The following SYNRG variants were observed in gnomAD, a reference collection of about 807,000 sequenced individuals.
SYNRG encodes the protein AP1 gamma subunit binding protein 1.
In SYNRG, 37 loss-of-function variants were observed where a neutral mutation model predicts 130.9. That is an observed-to-expected ratio of 0.28 (90% CI 0.22 to 0.37). The LOEUF is 0.37. SYNRG is among the 10% of genes least tolerant of loss of function. SYNRG has a pLI of 1.00. For missense variants in SYNRG, 1,338 were observed against 1,588.9 expected (o/e 0.84, Z 2.68); for synonymous variants, 539 against 568.1 (o/e 0.95, Z 0.73).
At chr17:37,554,596 GTGGTCT>G (rs1175786144) in intron 13 of SYNRG, among the ~76,000 whole-genome samples, 2 of 152,192 alleles carry the variant, frequency 1.3e-5, no homozygotes, top group Non-Finnish European at 2.9e-5. Context: ...TAGATACTAT[GTGGTCT>G]TGCTCAAGTA....
At chr17:37,583,188 C>T (rs982816164) in intron 6 of SYNRG, among the ~76,000 whole-genome samples, 1 of 152,052 alleles carries the variant, frequency 6.6e-6, no homozygotes, top group African/African-American at 2.4e-5. Context: ...GATGGGGTTT[C>T]ACCATGTTGG....
rs376272532 is a variant in SYNRG at position 37,577,684 on chromosome 17, A to G, written c.590-71T>C. 8.9e-6 allele frequency: 7 copies of G among 784,338 alleles called. No homozygotes were observed. The East Asian group carries it at 1.8e-4, about 20-fold the overall frequency. 48.6% of individuals were successfully genotyped at this position (784,338 alleles called of 1,614,324 possible). On this transcript the variant is annotated intron_variant, in intron 6 of 21. Transcript: ENST00000612223. Reference sequence around the variant, plus strand: ...CTAATCTTTTTAACCATCCATCTCCACCCCCATATTCTTTTTTTTTTTTTT... The same window carrying G: ...CTAATCTTTTTAACCATCCATCTCCGCCCCCATATTCTTTTTTTTTTTTTT...
chr17:37,566,253 A>C (rs1263290453), intron 11 of SYNRG, among the ~76,000 whole-genome samples: 1 of 151,664 alleles, frequency 6.6e-6, no homozygotes, highest in Non-Finnish European at 1.5e-5. Context: ...TGTAGAAAGA[A>C]GTAGACATGG....
chr17:37,518,569 T>G lies in SYNRG; in HGVS notation c.*371A>C, dbSNP rs528600443. On this transcript the variant is annotated 3_prime_UTR_variant, in exon 22 of 22. Coordinates refer to ENST00000612223, the MANE Select transcript of SYNRG (RefSeq NM_007247.6). The stretch of plus-strand genomic sequence containing the variant: ...AAGTGTCCTAGATAAAAACAAGCAC[T>G]GGCTCCAAGCAGTCGCCCATTCTAG... The G allele has an allele frequency of 1.9e-4, 39 of 202,184 alleles. 1 individual carries two copies. The highest frequency in any genetic ancestry group is 8.5e-4 in the African/African-American group (37 of 43,502). 12.5% of individuals were successfully genotyped at this position (202,184 alleles called of 1,614,324 possible).
chr17:37,541,076 C>G, intron 15 of SYNRG: 1 of 985,750 alleles, frequency 1.0e-6, no homozygotes, highest in Non-Finnish European at 1.2e-6. Context: ...CAACATGACT[C>G]TTCTCTGATC....
intron 3 of SYNRG, among the ~76,000 whole-genome samples, chr17:37,595,191 C>A (rs1455876621): frequency 6.6e-6 from 1 of 152,114 alleles, no homozygotes; most frequent in Non-Finnish European, 1.5e-5. Flanking sequence ...GTTTTCCTGA[C>A]CCTTTAAACA....
At chr17:37,538,959 T>G in intron 17 of SYNRG, 5 of 822,074 alleles carry the variant, frequency 6.1e-6, no homozygotes, top group Non-Finnish European at 7.3e-6. Context: ...ACTTTGTTAT[T>G]TCTTAAACAC....
intron 19 of SYNRG, among the ~76,000 whole-genome samples, chr17:37,530,027 T>C (rs1397002967): frequency 1.3e-5 from 2 of 152,232 alleles, no homozygotes. Context: ...AAGAGCAATG[T>C]GCAGAAAAGA....
At position 37,600,396 on chromosome 17, in the gene SYNRG, A is replaced by T. The variant is rs780095212; in HGVS notation, c.85T>A (p.Phe29Ile). ...GGTCTTATCCCACCTGCAACAGGAAACATGAAGCTGAAAACAGAATAAAAA... is the reference window on the plus strand; with the variant it reads ...GGTCTTATCCCACCTGCAACAGGAATCATGAAGCTGAAAACAGAATAAAAA... ...AGSAGGGGFM[F>I]PVAGGIRPPQ... Residue 29 changes from phenylalanine (F) to isoleucine (I), a missense_variant, in exon 2 of 22, where the codon TTT (phenylalanine) becomes ATT (isoleucine). By Grantham distance (21) the Phe-to-Ile change is conservative. Around this residue, in one of 3 missense-constraint regions of SYNRG, gnomAD observed 184 missense variants for 217.2 expected, o/e 0.85. Transcript: ENST00000612223. 6.2e-7 allele frequency: 1 copy of T among 1,613,744 alleles called. No homozygotes were observed. The highest frequency in any genetic ancestry group is 8.5e-7 in the Non-Finnish European group (1 of 1,179,912).
chr17:37,587,647 C>T (rs1489648446), intron 3 of SYNRG, among the ~76,000 whole-genome samples: 1 of 152,232 alleles, frequency 6.6e-6, no homozygotes, highest in Non-Finnish European at 1.5e-5. Flanking sequence ...CCTCACTCTT[C>T]AGTTGAACAC....
At chr17:37,570,907 T>A (rs1037572487) in intron 9 of SYNRG, 22 bp from the exon 10 acceptor site, 3 of 1,605,194 alleles carry the variant, frequency 1.9e-6, no homozygotes, top group Non-Finnish European at 2.6e-6. Context: ...AGAAAGAAAA[T>A]GGATTAGAGG....
chr17:37,571,667 T>C (rs1406394028), intron 9 of SYNRG, 124 bp downstream of exon 9: 3 of 846,874 alleles, frequency 3.5e-6, no homozygotes, highest in Non-Finnish European at 5.3e-6. Context: ...TTTGAAGTAC[T>C]ATATCCTGAA....
chr17:37,582,542 G>C (rs576736475), intron 6 of SYNRG, among the ~76,000 whole-genome samples: 10 of 152,238 alleles, frequency 6.6e-5, no homozygotes, highest in Admixed American at 5.2e-4. Context: ...TAGCAGCTAG[G>C]TATATGATTA....
intron 15 of SYNRG, 107 bp downstream of exon 15, chr17:37,541,865 C>A (rs1449397441): frequency 9.3e-7 from 1 of 1,071,786 alleles, no homozygotes; most frequent in Middle Eastern, 2.7e-4. Flanking sequence ...AAGATTAGAA[C>A]AATCTATTTC....
chr17:37,586,836 G>A (rs1040123359), intron 3 of SYNRG, among the ~76,000 whole-genome samples: 3 of 152,102 alleles, frequency 2.0e-5, no homozygotes, highest in African/African-American at 7.2e-5. Context: ...GGTGTGTTAT[G>A]GAACTATATG....
intron 13 of SYNRG, among the ~76,000 whole-genome samples, chr17:37,559,273 C>T (rs1397300044): frequency 6.6e-6 from 1 of 152,032 alleles, no homozygotes; most frequent in African/African-American, 2.4e-5. Context: ...ATGCCTTAAT[C>T]AAGTCATTTT....
At chr17:37,549,379 G>A (rs963451669) in intron 14 of SYNRG, among the ~76,000 whole-genome samples, 2 of 151,950 alleles carry the variant, frequency 1.3e-5, no homozygotes, top group Non-Finnish European at 2.9e-5. Context: ...TTTGGCCTAC[G>A]CTTGTTGCCA....
At chr17:37,540,866 C>T in intron 15 of SYNRG, 1 of 996,966 alleles carries the variant, frequency 1.0e-6, no homozygotes, top group Non-Finnish European at 1.2e-6. Flanking sequence ...AACTCCTGAT[C>T]TCAAGTTATC....
intron 2 of SYNRG, among the ~76,000 whole-genome samples, chr17:37,596,893 C>G (rs1225811184): frequency 6.6e-6 from 1 of 152,064 alleles, no homozygotes; most frequent in Non-Finnish European, 1.5e-5. Context: ...ACTACAGGTG[C>G]CTGCCACCAC....
Sources: allele counts gnomAD v4.1 joint callset (sites outside exome capture counted in the v4.1 genomes callset), GRCh38; gene constraint gnomAD v4.1.1; regional missense constraint gnomAD v4.1.1; transcripts MANE v1.5; gene names NCBI Gene and HGNC (gene_info 2026-07-23, HGNC 2026-07-21).